DDC: variants seen among roughly 807,000 people sequenced by gnomAD.
DDC encodes dopa decarboxylase.
Under a neutral mutation model 60.0 loss-of-function variants are expected in DDC, and 43 were observed. The observed-to-expected ratio is 0.72, with a 90% CI of 0.56 to 0.92. The LOEUF is 0.92. DDC is among the 40% of genes least tolerant of loss of function. DDC has a pLI of 0.00. For missense variants in DDC, 573 were observed against 620.2 expected (o/e 0.92, Z 0.81); for synonymous variants, 232 against 234.6 (o/e 0.99, Z 0.10).
chr7:50,559,493 T>A (rs1265330967), intron 1 of DDC, among the ~76,000 whole-genome samples: 2 of 151,512 alleles, frequency 1.3e-5, no homozygotes, highest in Admixed American at 6.6e-5. Flanking sequence ...AATGGCATGA[T>A]CTCAGCTCAC....
At chr7:50,483,224 A>G (rs2153536860) in intron 9 of DDC, among the ~76,000 whole-genome samples, 1 of 152,230 alleles carries the variant, frequency 6.6e-6, no homozygotes, top group South Asian at 2.1e-4. Context: ...AATGTTGTTG[A>G]CTTTTATCTA....
At chr7:50,532,592 C>A (rs2044252429) in intron 4 of DDC, among the ~76,000 whole-genome samples, 1 of 152,164 alleles carries the variant, frequency 6.6e-6, no homozygotes, top group Admixed American at 6.5e-5. Flanking sequence ...AAAGATTGTC[C>A]ATAATCCAAT....
At chr7:50,460,577 T>A (rs550299469) in intron 14 of DDC, among the ~76,000 whole-genome samples, 50 of 151,610 alleles carry the variant, frequency 3.3e-4, no homozygotes, top group Non-Finnish European at 6.9e-4. Flanking sequence ...GAACGGGCCA[T>A]GATGACAATG....
intron 14 of DDC, among the ~76,000 whole-genome samples, chr7:50,461,435 A>G (rs2153532558): frequency 6.6e-6 from 1 of 152,360 alleles, no homozygotes; most frequent in East Asian, 1.9e-4. Flanking sequence ...CTATTGTATC[A>G]CATATCTTTT....
intron 1 of DDC, among the ~76,000 whole-genome samples, chr7:50,562,303 G>A (rs964522714): frequency 6.6e-6 from 1 of 152,218 alleles, no homozygotes; most frequent in Non-Finnish European, 1.5e-5. Flanking sequence ...GCAGGGACCT[G>A]CAGGCAGCAG....
At chr7:50,511,413 C>T (rs2043575840) in intron 6 of DDC, among the ~76,000 whole-genome samples, 1 of 151,990 alleles carries the variant, frequency 6.6e-6, no homozygotes, top group Non-Finnish European at 1.5e-5. Context: ...TGCTTGTAAC[C>T]CCAACACTTT....
At position 50,544,030 on chromosome 7, in the gene DDC, T is replaced by C; in HGVS notation, c.56A>G (p.Asn19Ser). The C allele has an allele frequency of 6.2e-7, 1 of 1,614,198 alleles. No homozygotes were observed. Among genetic ancestry groups the C allele is most frequent in the Non-Finnish European group, 8.5e-7 (1 of 1,180,036 alleles). Residue 19 changes from asparagine (N) to serine (S), a missense_variant, in exon 2 of 15, where the codon AAC (asparagine) becomes AGC (serine). Physicochemically the swap from Asn to Ser is conservative, Grantham distance 46. Coordinates refer to ENST00000444124, the MANE Select transcript of DDC (RefSeq NM_001082971.2). ...RGKEMVDYMA[N>S]YMEGIEGRQV... ...GCGTCCCTCAATGCCTTCCATGTAG[T>C]TGGCCATGTAATCCACCATCTCCTT... is the stretch of plus-strand genomic sequence containing the variant.
At chr7:50,558,060 G>T (rs1264772667) in intron 1 of DDC, among the ~76,000 whole-genome samples, 1 of 146,770 alleles carries the variant, frequency 6.8e-6, no homozygotes, top group African/African-American at 2.6e-5. Flanking sequence ...TATGTCAGAA[G>T]AAACTTTTCA....
At chr7:50,482,918 G>A (rs1216548699) in intron 9 of DDC, among the ~76,000 whole-genome samples, 1 of 151,838 alleles carries the variant, frequency 6.6e-6, no homozygotes, top group Non-Finnish European at 1.5e-5. Flanking sequence ...AATACTTTGA[G>A]GATTCTCTTT....
At chr7:50,465,458 C>T (rs1316137249) in intron 13 of DDC, among the ~76,000 whole-genome samples, 7 of 5,070 alleles carry the variant, frequency 1.4e-3, no homozygotes, top group Admixed American at 2.6e-3. Context: ...GCAACCTCCG[C>T]CTCCCAGGTT....
At chr7:50,464,502 A>G (rs1406700234) in intron 13 of DDC, among the ~76,000 whole-genome samples, 13 of 152,212 alleles carry the variant, frequency 8.5e-5, no homozygotes, top group Non-Finnish European at 1.5e-5. Flanking sequence ...AAATTATCAT[A>G]CCAAGGGAAT....
intron 2 of DDC, chr7:50,542,699 C>T (rs1454820081): frequency 6.6e-6 from 1 of 152,306 alleles, no homozygotes; most frequent in Non-Finnish European, 1.5e-5. Flanking sequence ...CCACACCTCT[C>T]CCAAAGGGTT....
intron 6 of DDC, among the ~76,000 whole-genome samples, chr7:50,527,109 G>T (rs781265752): frequency 6.6e-6 from 1 of 152,108 alleles, no homozygotes; most frequent in Non-Finnish European, 1.5e-5. Flanking sequence ...GTTTTTTGTG[G>T]TTATATATGA....
At position 50,463,257 on chromosome 7, in the gene DDC, C is replaced by A. The variant is rs759389542; in HGVS notation, c.1417G>T (p.Asp473Tyr). 1 of 1,613,854 alleles carries A rather than the reference C, an allele frequency of 6.2e-7. No individual in the cohort carries two copies. The highest frequency in any genetic ancestry group is 8.5e-7 in the Non-Finnish European group (1 of 1,179,892). Residue 473 changes from aspartate (D) to tyrosine (Y), a missense_variant, in exon 14 of 15, where the codon GAC becomes TAC. Coordinates refer to ENST00000444124, the MANE Select transcript of DDC (RefSeq NM_001082971.2). ...AWEHIKELAA[D>Y]VLRAERE Reference sequence around the variant, plus strand: ...TACTCCCTCTCTGCTCGCAGCACGTCGGCCGCCAGCTCTTTGATGTGTTCC... The same window carrying A: ...TACTCCCTCTCTGCTCGCAGCACGTAGGCCGCCAGCTCTTTGATGTGTTCC...
chr7:50,492,265 C>T (rs1383073958), intron 9 of DDC, among the ~76,000 whole-genome samples: 1 of 152,206 alleles, frequency 6.6e-6, no homozygotes, highest in Non-Finnish European at 1.5e-5. Context: ...TGCCCCCAAA[C>T]AGTAAAGATC....
chr7:50,509,144 G>A (rs2043481169), intron 6 of DDC, among the ~76,000 whole-genome samples: 1 of 152,058 alleles, frequency 6.6e-6, no homozygotes, highest in Middle Eastern at 3.4e-3. Flanking sequence ...ATGAGGAAAG[G>A]GACCATGGCT....
In DDC at chr7:50,561,400, G is replaced by T. The variant is rs148931946; in HGVS notation, c.-29+3885C>A. ...AGGCTCCACTCCAAGGGTGAGGAAG[G>T]GACGGCGTGGCATTTGGGGAGTGCT... On this transcript the variant is annotated intron_variant, in intron 1 of 14. Transcript: ENST00000444124. Among the ~76,000 whole-genome samples the T allele has an allele frequency of 1.1e-3, 167 of 152,288 alleles. 1 individual carries two copies. The highest frequency in any genetic ancestry group is 3.3e-3 in the African/African-American group (137 of 41,550).
intron 9 of DDC, among the ~76,000 whole-genome samples, chr7:50,483,772 C>T (rs1195630248): frequency 3.9e-5 from 6 of 152,032 alleles, no homozygotes; most frequent in South Asian, 4.2e-4. Flanking sequence ...GGCATGGCGG[C>T]GGGCACCTGT....
At chr7:50,555,781 G>A (rs1233451909) in intron 1 of DDC, among the ~76,000 whole-genome samples, 1 of 152,184 alleles carries the variant, frequency 6.6e-6, no homozygotes, top group Non-Finnish European at 1.5e-5. Flanking sequence ...CCGAGGCGCA[G>A]AGAGGCTGCA....
Sources: allele counts gnomAD v4.1 joint callset (sites outside exome capture counted in the v4.1 genomes callset), GRCh38; gene constraint gnomAD v4.1.1; transcripts MANE v1.5; gene names NCBI Gene and HGNC (gene_info 2026-07-23, HGNC 2026-07-21).